The following ANKRD30B variants were observed in gnomAD, a reference collection of about 807,000 sequenced individuals.
ANKRD30B encodes the protein ankyrin repeat domain 30B.
ANKRD30B carries 144 observed loss-of-function variants against 202.2 expected under a neutral mutation model. That is an observed-to-expected ratio of 0.71 (90% CI 0.62 to 0.82). ANKRD30B has a LOEUF of 0.82. Ranked by LOEUF, ANKRD30B falls within the 40% of genes least tolerant of loss-of-function variation. ANKRD30B has a pLI of 0.00. For synonymous variants in ANKRD30B, 508 were observed against 561.3 expected (o/e 0.91, Z 1.34); for missense variants, 1,487 against 1,669.1 (o/e 0.89, Z 1.90).
the ANKRD30B span, among the ~76,000 whole-genome samples, chr18:14,894,596 A>T: frequency 6.6e-6 from 1 of 152,176 alleles, no homozygotes. Flanking sequence ...GCCAATCAGA[A>T]CATTTAATCT....
intron 9 of ANKRD30B, among the ~76,000 whole-genome samples, chr18:14,774,702 A>T (rs141685979): frequency 1.3e-3 from 191 of 152,340 alleles, no homozygotes; most frequent in African/African-American, 4.2e-3. Flanking sequence ...GGTAATTAAT[A>T]CAACTGTAAA....
At chr18:14,805,131 A>G (rs1454936509) in intron 24 of ANKRD30B, among the ~76,000 whole-genome samples, 1 of 150,688 alleles carries the variant, frequency 6.6e-6, no homozygotes, top group East Asian at 1.9e-4. Context: ...AGAATGTAAG[A>G]ACCTTGGCTT....
chr18:14,786,667 A>G (rs1442565249), intron 14 of ANKRD30B, among the ~76,000 whole-genome samples: 2 of 152,212 alleles, frequency 1.3e-5, no homozygotes, highest in African/African-American at 2.4e-5. Context: ...ACTAAGTAAC[A>G]CTAGAAACTA....
In ANKRD30B at chr18:14,760,991, A is replaced by G. The variant is rs145012690; in HGVS notation, c.820+373A>G. On this transcript the variant is annotated intron_variant, in intron 6 of 43. Transcript: ENST00000690538. ...AACTTAGACTTGTTATACAATGTAT[A>G]ATCCTTGGTGTGATTGATGAGCTCA... Among the ~76,000 whole-genome samples, 45 of 152,262 alleles carry G rather than the reference A, an allele frequency of 3.0e-4. No homozygotes were observed. In the East Asian group the frequency reaches 8.5e-3, roughly 29 times the overall value.
At chr18:14,859,843 C>T in the ANKRD30B span, among the ~76,000 whole-genome samples, 1 of 62,000 alleles carries the variant, frequency 1.6e-5, no homozygotes, top group Non-Finnish European at 3.3e-5. Flanking sequence ...CTTCACTTCC[C>T]AGATGGCGCG....
the ANKRD30B span, among the ~76,000 whole-genome samples, chr18:14,887,099 C>T: frequency 3.9e-5 from 6 of 152,040 alleles, no homozygotes; most frequent in Admixed American, 2.0e-4. Context: ...GGTTAGCAAA[C>T]CTTTTAAATT....
intron 18 of ANKRD30B, among the ~76,000 whole-genome samples, chr18:14,797,442 C>T (rs1223065734): frequency 2.0e-5 from 3 of 152,158 alleles, no homozygotes; most frequent in Admixed American, 6.5e-5. Flanking sequence ...TTTACAATAA[C>T]CAGGAGCATT....
At chr18:14,864,375 A>C in the ANKRD30B span, among the ~76,000 whole-genome samples, 1 of 152,016 alleles carries the variant, frequency 6.6e-6, no homozygotes, top group Non-Finnish European at 1.5e-5. Flanking sequence ...AACAAAAAAA[A>C]CCCTGAAATC....
At position 14,752,978 on chromosome 18, in the gene ANKRD30B, TGTCCTATGGTGCA is replaced by T. The variant is rs751631905; in HGVS notation, c.480_492del (p.Tyr161SerfsTer28). 13 of 1,602,756 alleles carry T rather than the reference TGTCCTATGGTGCA, an allele frequency of 8.1e-6. No individual in the cohort carries two copies. In the East Asian group the frequency reaches 2.0e-4, roughly 25 times the overall value. ...AATTTGTTAATGGTGGCAACACTGC[TGTCCTATGGTGCA>T]GTCATCGAGGTGCAAAACAAGGTAG... On this transcript the variant is annotated frameshift_variant, in exon 3 of 44. Transcript: ENST00000690538. LOFTEE classifies it high-confidence loss of function.
At chr18:14,868,655 G>A in the ANKRD30B span, among the ~76,000 whole-genome samples, 5 of 152,270 alleles carry the variant, frequency 3.3e-5, no homozygotes, top group Non-Finnish European at 7.3e-5. Flanking sequence ...CTGTGGAAGA[G>A]GCGAGGCTTA....
the ANKRD30B span, among the ~76,000 whole-genome samples, chr18:14,870,276 G>A: frequency 1.3e-5 from 2 of 152,200 alleles, no homozygotes; most frequent in Non-Finnish European, 2.9e-5. Flanking sequence ...CACTGCGCCT[G>A]GCCTAAATTG....
chr18:14,860,406 CCT>C, the ANKRD30B span, among the ~76,000 whole-genome samples: 2 of 119,020 alleles, frequency 1.7e-5, no homozygotes, highest in Non-Finnish European at 3.5e-5. Context: ...CAGAGGCGCT[CCT>C]CACCTCCCAG....
At chr18:14,914,648 G>A in the ANKRD30B span, among the ~76,000 whole-genome samples, 2 of 152,166 alleles carry the variant, frequency 1.3e-5, no homozygotes, top group Non-Finnish European at 2.9e-5. Flanking sequence ...GAATTATGGG[G>A]TGAGGGGAAA....
In ANKRD30B at chr18:14,757,857, A is replaced by G; in HGVS notation, c.660A>G (p.Ile220Met). Residue 220 changes from isoleucine (I) to methionine (M), a missense_variant, in exon 5 of 44, where the codon ATA becomes ATG. Coordinates refer to ENST00000690538, the MANE Select transcript of ANKRD30B (RefSeq NM_001367607.2). The part of the protein sequence containing the change: ...MLAICEGSSE[I>M]VGMLLQQNVD... Reference sequence around the variant, plus strand: ...CCATATGTGAAGGCTCATCAGAGATAGTCGGCATGCTTCTTCAGCAAAATG... The same window carrying G: ...CCATATGTGAAGGCTCATCAGAGATGGTCGGCATGCTTCTTCAGCAAAATG... The G allele has an allele frequency of 6.2e-7, 1 of 1,613,886 alleles. No individual in the cohort carries two copies. The highest frequency in any genetic ancestry group is 8.5e-7 in the Non-Finnish European group (1 of 1,179,908).
chr18:14,806,794 ATGACACTCT>A (rs1969550866), intron 24 of ANKRD30B, among the ~76,000 whole-genome samples: 1 of 149,420 alleles, frequency 6.7e-6, no homozygotes, highest in Non-Finnish European at 1.5e-5. Context: ...TTCCTATCTC[ATGACACTCT>A]GCTTTCTTTG....
rs180674333 is a variant in ANKRD30B at position 14,830,275 on chromosome 18, A to T, written c.2775-1108A>T. ...TACTTAGAGAAATCCAACTATCAGG[A>T]CTCAGTTTTTCTAGCAGTCTCTCTC... is the stretch of plus-strand genomic sequence containing the variant. On this transcript the variant is annotated intron_variant, in intron 33 of 43. Transcript: ENST00000690538. The T allele has an allele frequency of 3.2e-3, 498 of 153,350 alleles. 5 individuals carry two copies. Among genetic ancestry groups the T allele is most frequent in the African/African-American group, 0.011 (460 of 41,506 alleles). The allele number at this position is 153,350 out of a possible 1,614,324, so 9.5% of individuals were successfully genotyped here.
chr18:14,910,244 A>T, the ANKRD30B span: 1 of 151,736 alleles, frequency 6.6e-6, no homozygotes, highest in Non-Finnish European at 1.5e-5. Flanking sequence ...CCACCCTCCC[A>T]CCTTTTGTAG....
At chr18:14,775,291 G>A (rs567547144) in intron 9 of ANKRD30B, among the ~76,000 whole-genome samples, 2 of 152,308 alleles carry the variant, frequency 1.3e-5, no homozygotes, top group Non-Finnish European at 2.9e-5. Context: ...AGGCTTAGAA[G>A]GCACTAGGAA....
the ANKRD30B span, among the ~76,000 whole-genome samples, chr18:14,900,260 T>C: frequency 6.6e-6 from 1 of 152,178 alleles, no homozygotes; most frequent in Non-Finnish European, 1.5e-5. Context: ...TTAAAATTTA[T>C]GGTACCCAAA....
Sources: gnomAD v4.1 joint callset for allele counts (sites outside exome capture counted in the v4.1 genomes callset) on GRCh38, gnomAD v4.1.1 for gene constraint, MANE v1.5 for transcripts, NCBI Gene and HGNC (gene_info 2026-07-23, HGNC 2026-07-21) for gene names.